LYSMD2: variants seen among roughly 807,000 people sequenced by gnomAD.
The protein encoded by LYSMD2 is LysM domain containing 2, also known as lysM and putative peptidoglycan-binding domain-containing protein 2.
A neutral mutation model predicts 17.7 loss-of-function variants in LYSMD2; 6 were observed. The observed-to-expected ratio is 0.34, with a 90% CI of 0.19 to 0.67. The LOEUF is 0.67. Among genes scored for constraint, LYSMD2 ranks in the 30% least tolerant of loss-of-function variants. The pLI, the probability that LYSMD2 is intolerant of heterozygous loss-of-function variation, is 0.69. For missense variants in LYSMD2, 237 were observed against 286.7 expected (o/e 0.83, Z 1.25); for synonymous variants, 102 against 129.8 (o/e 0.79, Z 1.45).
chr15:51,727,266 G>A (rs927436750), intron 1 of LYSMD2, among the ~76,000 whole-genome samples: 1 of 152,144 alleles, frequency 6.6e-6, no homozygotes, highest in African/African-American at 2.4e-5. Context: ...GCATTACCCA[G>A]GTCCCCTTGT....
In LYSMD2 at chr15:51,723,487, T is replaced by C; in HGVS notation, c.*120A>G. 2.5e-6 allele frequency: 2 copies of C among 808,872 alleles called. No homozygotes were observed. Among genetic ancestry groups the C allele is most frequent in the South Asian group, 1.4e-5 (1 of 71,332 alleles). The allele number at this position is 808,872 out of a possible 1,614,324, so 50.1% of individuals were successfully genotyped here. ...AACTGCAGCAGGTAGAACTACCTAGTTATGATTTTAAGATGGACACTATAG... is the reference window on the plus strand; with the variant it reads ...AACTGCAGCAGGTAGAACTACCTAGCTATGATTTTAAGATGGACACTATAG... On this transcript the variant is annotated 3_prime_UTR_variant, in exon 3 of 3. Transcript: ENST00000267838.
chr15:51,730,123 G>A (rs1220080908), intron 1 of LYSMD2, among the ~76,000 whole-genome samples: 1 of 152,190 alleles, frequency 6.6e-6, no homozygotes, highest in Non-Finnish European at 1.5e-5. Context: ...TATAGAATAA[G>A]GAAAGTAACA....
rs79118569 is a variant in LYSMD2 at position 51,751,292 on chromosome 15, C to T, written c.-22G>A. 6.0e-4 allele frequency: 425 copies of T among 702,644 alleles called. 2 individuals carry two copies. The African/African-American group carries it at 6.8e-3, about 11-fold the overall frequency. The allele number at this position is 702,644 out of a possible 1,614,324, so 43.5% of individuals were successfully genotyped here. On this transcript the variant is annotated 5_prime_UTR_variant, in exon 1 of 3. Transcript: ENST00000454181. Reference sequence around the variant, plus strand: ...GTACCTGAGACCGCTCTCAACGCGGCTTCCGTGTCAGGATGCTCGCTCACA... The same window carrying T: ...GTACCTGAGACCGCTCTCAACGCGGTTTCCGTGTCAGGATGCTCGCTCACA...
intron 1 of LYSMD2, among the ~76,000 whole-genome samples, chr15:51,735,380 C>A (rs72730962): frequency 6.6e-6 from 1 of 152,032 alleles, no homozygotes; most frequent in African/African-American, 2.4e-5. Context: ...AGAGAACATC[C>A]GGCAATGCCT....
At chr15:51,740,913 A>G (rs1271335897), upstream of LYSMD2, among the ~76,000 whole-genome samples, 1 of 152,230 alleles carries the variant, frequency 6.6e-6, no homozygotes, top group Non-Finnish European at 1.5e-5. Flanking sequence ...AAAAGCAGAG[A>G]TATACCATGT....
chr15:51,726,361 GCCTTTAGGACCCCTAGATCTTGCCCCC>G (rs1459639158), intron 1 of LYSMD2, among the ~76,000 whole-genome samples: 1 of 152,096 alleles, frequency 6.6e-6, no homozygotes, highest in African/African-American at 2.4e-5. Flanking sequence ...TTGCTATTTC[GCCTTTAGGACCCCTAGATCTTGCCCCC>G]AAGCATCCAG....
intron 1 of LYSMD2, among the ~76,000 whole-genome samples, chr15:51,736,204 A>C (rs2141598345): frequency 6.6e-6 from 1 of 152,344 alleles, no homozygotes; most frequent in East Asian, 1.9e-4. Flanking sequence ...GGAGGCATTC[A>C]GCAGAGGGTA....
At chr15:51,723,719 T>C in intron 2 of LYSMD2, 70 bp from the exon 3 acceptor site, 1 of 1,118,976 alleles carries the variant, frequency 8.9e-7, no homozygotes, top group Non-Finnish European at 1.3e-6. Context: ...CATCAACTTA[T>C]TATACAATAT....
intron 1 of LYSMD2, among the ~76,000 whole-genome samples, chr15:51,748,118 A>C (rs2055677292): frequency 6.6e-6 from 1 of 152,106 alleles, no homozygotes; most frequent in African/African-American, 2.4e-5. Context: ...TAAAATACAA[A>C]GAATTAGGCG....
chr15:51,735,284 T>G (rs2055601609), intron 1 of LYSMD2, among the ~76,000 whole-genome samples: 1 of 152,180 alleles, frequency 6.6e-6, no homozygotes, highest in Admixed American at 6.5e-5. Context: ...CTCTAAAAAT[T>G]TTATCAACTA....
chr15:51,743,832 T>C (rs954997822), intron 1 of LYSMD2, among the ~76,000 whole-genome samples: 13 of 152,236 alleles, frequency 8.5e-5, no homozygotes, highest in African/African-American at 2.9e-4. Context: ...ATATTGTATG[T>C]ATACCTAAGT....
intron 1 of LYSMD2, among the ~76,000 whole-genome samples, chr15:51,748,963 G>A (rs749273829): frequency 2.0e-5 from 3 of 152,174 alleles, no homozygotes; most frequent in Admixed American, 1.3e-4. Flanking sequence ...TAACTGCCAC[G>A]TTGAACTTTT....
intron 1 of LYSMD2, among the ~76,000 whole-genome samples, chr15:51,747,448 G>A (rs151160908): frequency 1.9e-3 from 296 of 152,240 alleles, no homozygotes; most frequent in Non-Finnish European, 3.7e-3. Flanking sequence ...CCGAGATCAC[G>A]CCATTGCACT....
At chr15:51,725,374 C>T (rs776281734) in intron 1 of LYSMD2, among the ~76,000 whole-genome samples, 9 of 152,218 alleles carry the variant, frequency 5.9e-5, no homozygotes, top group African/African-American at 9.6e-5. Context: ...TACTACAAGG[C>T]AGCTTTTAAC....
intron 2 of LYSMD2, among the ~76,000 whole-genome samples, 192 bp downstream of exon 2, chr15:51,724,598 A>AAAAG (rs577625442): frequency 9.3e-6 from 1 of 107,716 alleles, no homozygotes; most frequent in Non-Finnish European, 2.1e-5. Context: ...TTAAAGCAAA[A>AAAAG]AAAGAAAGAA....
At position 51,723,568 on chromosome 15, in the gene LYSMD2, C is replaced by T; in HGVS notation, c.*39G>A. The stretch of plus-strand genomic sequence containing the variant: ...GTTGTTGGATTCTTTATGGTCCAAA[C>T]ATATCTTAATTTTGGTTAGAGTTAT... On this transcript the variant is annotated 3_prime_UTR_variant, in exon 3 of 3. Coordinates refer to ENST00000267838, the MANE Select transcript of LYSMD2 (RefSeq NM_153374.3). 2 of 1,509,816 alleles carry T rather than the reference C, an allele frequency of 1.3e-6. No individual in the cohort carries two copies. Among genetic ancestry groups the T allele is most frequent in the Non-Finnish European group, 1.8e-6 (2 of 1,086,252 alleles). The allele number at this position is 1,509,816 out of a possible 1,614,324, so 93.5% of individuals were successfully genotyped here.
chr15:51,730,972 T>A (rs2055572801), intron 1 of LYSMD2, among the ~76,000 whole-genome samples: 1 of 152,176 alleles, frequency 6.6e-6, no homozygotes, highest in South Asian at 2.1e-4. Context: ...CTTTTTTTCT[T>A]CCCCACACTG....
At chr15:51,726,693 T>C in intron 1 of LYSMD2, among the ~76,000 whole-genome samples, 1 of 152,244 alleles carries the variant, frequency 6.6e-6, no homozygotes, top group East Asian at 1.9e-4. Flanking sequence ...TTTGAACTTC[T>C]GGATCACAGC....
At chr15:51,744,621 T>A (rs1432146305) in intron 1 of LYSMD2, among the ~76,000 whole-genome samples, 1 of 152,016 alleles carries the variant, frequency 6.6e-6, no homozygotes, top group Non-Finnish European at 1.5e-5. Context: ...CTTGTAATAT[T>A]TTTGTCTAGT....
Sources: gnomAD v4.1 joint callset for allele counts (sites outside exome capture counted in the v4.1 genomes callset) on GRCh38, gnomAD v4.1.1 for gene constraint, MANE v1.5 for transcripts, NCBI Gene and HGNC (gene_info 2026-07-23, HGNC 2026-07-21) for gene names.